The following CEP112 variants were observed in gnomAD, a reference collection of about 807,000 sequenced individuals.
CEP112 encodes centrosomal protein of 112 kDa.
A neutral mutation model predicts 153.0 loss-of-function variants in CEP112; 127 were observed. The ratio of observed to expected loss-of-function variants is 0.83; its 90% confidence interval spans 0.72 to 0.96. CEP112 has a LOEUF of 0.96. Among genes scored for constraint, CEP112 ranks in the 40% least tolerant of loss-of-function variants. CEP112 has a pLI of 0.00. For synonymous variants in CEP112, 358 were observed against 374.4 expected (o/e 0.96, Z 0.51); for missense variants, 1,089 against 1,101.2 (o/e 0.99, Z 0.16).
intron 12 of CEP112, among the ~76,000 whole-genome samples, chr17:66,031,472 TG>T (rs1480260010): frequency 2.3e-4 from 8 of 34,416 alleles, no homozygotes; most frequent in South Asian, 6.8e-4. Flanking sequence ...AGTTTTGTTT[TG>T]TTTTTTTTTT....
intron 20 of CEP112, among the ~76,000 whole-genome samples, chr17:65,876,348 T>G (rs898656272): frequency 2.0e-5 from 3 of 152,244 alleles, no homozygotes; most frequent in Non-Finnish European, 4.4e-5. Flanking sequence ...TATTGGCTTA[T>G]GTATAGAAGT....
At chr17:66,168,196 A>T (rs9905551) in intron 4 of CEP112, among the ~76,000 whole-genome samples, 3 of 151,892 alleles carry the variant, frequency 2.0e-5, no homozygotes, top group Admixed American at 2.0e-4. Context: ...AAACTAGTCC[A>T]AATCCCTAAA....
intron 8 of CEP112, among the ~76,000 whole-genome samples, chr17:66,088,443 A>G (rs1256874138): frequency 6.6e-6 from 1 of 152,018 alleles, no homozygotes; most frequent in African/African-American, 2.4e-5. Context: ...CAGAATCCCT[A>G]GTCATCAGGC....
At chr17:66,113,999 T>C (rs1303745610) in intron 6 of CEP112, among the ~76,000 whole-genome samples, 2 of 152,148 alleles carry the variant, frequency 1.3e-5, no homozygotes, top group African/African-American at 4.8e-5. Flanking sequence ...GTTCTTCTTC[T>C]CTCATACTAC....
At chr17:66,071,151 G>C (rs1283995247) in intron 8 of CEP112, among the ~76,000 whole-genome samples, 1 of 151,920 alleles carries the variant, frequency 6.6e-6, no homozygotes, top group East Asian at 1.9e-4. Flanking sequence ...AATTTAGCAA[G>C]ATAAACATAT....
chr17:66,189,958 A>G (rs1426136620), intron 1 of CEP112, among the ~76,000 whole-genome samples: 4 of 152,078 alleles, frequency 2.6e-5, no homozygotes, highest in Non-Finnish European at 5.9e-5. Context: ...CTTGAGCCCA[A>G]GAGGTCAAGG....
At chr17:66,082,413 T>C (rs566901219) in intron 8 of CEP112, among the ~76,000 whole-genome samples, 2 of 152,318 alleles carry the variant, frequency 1.3e-5, no homozygotes, top group South Asian at 2.1e-4. Context: ...TGTTTTCCCA[T>C]AACATATGAG....
chr17:66,158,529 G>A (rs77471077), intron 4 of CEP112, among the ~76,000 whole-genome samples: 2 of 151,978 alleles, frequency 1.3e-5, no homozygotes, highest in Admixed American at 6.6e-5. Context: ...GGAGAATGGC[G>A]TGAACCCAGG....
At chr17:65,683,123 G>C (rs950522691) in intron 24 of CEP112, among the ~76,000 whole-genome samples, 3 of 152,024 alleles carry the variant, frequency 2.0e-5, no homozygotes, top group Non-Finnish European at 2.9e-5. Flanking sequence ...CTGTGCCTTG[G>C]TGAGGGTATC....
chr17:65,880,540 T>C (rs1377838614), intron 20 of CEP112, among the ~76,000 whole-genome samples: 5 of 152,338 alleles, frequency 3.3e-5, no homozygotes, highest in Middle Eastern at 3.4e-3. Context: ...TCTTGTAAAA[T>C]GTGATGACTA....
At chr17:65,746,165 CAAAAA>C (rs56361589) in intron 22 of CEP112, among the ~76,000 whole-genome samples, 10 of 49,480 alleles carry the variant, frequency 2.0e-4, no homozygotes, top group East Asian at 1.2e-3. Flanking sequence ...AACTCCATCT[CAAAAA>C]AAAAAAAAAA....
chr17:65,860,878 C>T lies in CEP112; in HGVS notation c.2164-8844G>A, dbSNP rs543328046. Among the ~76,000 whole-genome samples, 15 of 152,200 alleles carry T rather than the reference C, an allele frequency of 9.9e-5. No homozygotes were observed. In the East Asian group the frequency reaches 1.5e-3, roughly 16 times the overall value. On this transcript the variant is annotated intron_variant, in intron 20 of 26. Transcript: ENST00000535342. Reference sequence around the variant, plus strand: ...CAAAATGTCCATCAATTGATGAACACGCAAATGAAATACAGTATATCCACA... The same window carrying T: ...CAAAATGTCCATCAATTGATGAACATGCAAATGAAATACAGTATATCCACA...
intron 21 of CEP112, among the ~76,000 whole-genome samples, chr17:65,777,159 T>C (rs1288308477): frequency 1.3e-5 from 2 of 152,162 alleles, no homozygotes; most frequent in Non-Finnish European, 2.9e-5. Context: ...TGAGGCGCCA[T>C]GTAGGTGAAC....
chr17:65,638,094 A>G (rs535957998), intron 25 of CEP112, among the ~76,000 whole-genome samples: 1 of 152,352 alleles, frequency 6.6e-6, no homozygotes, highest in South Asian at 2.1e-4. Flanking sequence ...TGAGGATGAC[A>G]TGAAACAACT....
At chr17:65,743,246 C>T (rs756268369) in intron 22 of CEP112, 29 bp from the exon 23 acceptor site, 4 of 1,566,186 alleles carry the variant, frequency 2.6e-6, no homozygotes, top group South Asian at 2.4e-5. Context: ...GCTATAACTT[C>T]AAATTCTTCT....
At chr17:65,827,319 A>G (rs1453131422) in intron 21 of CEP112, among the ~76,000 whole-genome samples, 1 of 152,190 alleles carries the variant, frequency 6.6e-6, no homozygotes, top group Non-Finnish European at 1.5e-5. Context: ...CTATCCTATT[A>G]GTTCTGTCCC....
At chr17:65,708,874 C>T (rs2049038005) in intron 23 of CEP112, among the ~76,000 whole-genome samples, 3 of 152,148 alleles carry the variant, frequency 2.0e-5, no homozygotes, top group Non-Finnish European at 4.4e-5. Context: ...GTGGGGTGGT[C>T]GTGGTGCCTG....
chr17:65,747,646 TTTC>T (rs953146069), intron 22 of CEP112, among the ~76,000 whole-genome samples: 52 of 152,294 alleles, frequency 3.4e-4, no homozygotes, highest in Admixed American at 2.7e-3. Flanking sequence ...TCTCCATTCT[TTTC>T]TTAAGATAAA....
At chr17:65,641,185 C>A in intron 24 of CEP112, 120 bp from the exon 25 acceptor site, 1 of 598,316 alleles carries the variant, frequency 1.7e-6, no homozygotes, top group Non-Finnish European at 2.9e-6. Context: ...CGGTCAGAAA[C>A]CAGACAATAA....
Sources: allele counts gnomAD v4.1 joint callset (sites outside exome capture counted in the v4.1 genomes callset), GRCh38; gene constraint gnomAD v4.1.1; transcripts MANE v1.5; gene names NCBI Gene and HGNC (gene_info 2026-07-23, HGNC 2026-07-21).